PACRG: variants seen among roughly 807,000 people sequenced by gnomAD.
PACRG encodes parkin coregulated gene protein.
In PACRG, 29 loss-of-function variants were observed where a neutral mutation model predicts 29.7. The ratio of observed to expected loss-of-function variants is 0.98; its 90% CI spans 0.73 to 1.33. The LOEUF (loss-of-function observed/expected upper bound fraction) is 1.33, where lower values mean the gene tolerates loss of function less well. PACRG is among the 40% of genes most tolerant of loss of function. PACRG has a pLI of 0.00. For synonymous variants in PACRG, 116 were observed against 118.7 expected (o/e 0.98, Z 0.15); for missense variants, 279 against 316.2 (o/e 0.88, Z 0.89).
intron 2 of PACRG, among the ~76,000 whole-genome samples, chr6:163,009,997 A>G (rs1350839144): frequency 2.0e-5 from 3 of 152,242 alleles, no homozygotes; most frequent in African/African-American, 7.2e-5. Flanking sequence ...AAAGGAAATG[A>G]GAATTGATGC....
intron 3 of PACRG, among the ~76,000 whole-genome samples, chr6:163,074,729 A>G (rs896731006): frequency 6.6e-6 from 1 of 152,234 alleles, no homozygotes; most frequent in African/African-American, 2.4e-5. Flanking sequence ...ATTAAAATAC[A>G]TACAGAAAAC....
In PACRG at chr6:162,794,217, T is replaced by C. The variant is rs114186340; in HGVS notation, c.157-19930T>C. Reference sequence around the variant, plus strand: ...TGCACCCCTGTGATTATTAATGAAATTGAGCATTTTTAATTTGTTTTATTG... The same window carrying C: ...TGCACCCCTGTGATTATTAATGAAACTGAGCATTTTTAATTTGTTTTATTG... On this transcript the variant is annotated intron_variant, in intron 1 of 4. Transcript: ENST00000366888. 2.9e-3 allele frequency among the ~76,000 whole-genome samples: 443 copies of C among 152,270 alleles called. 2 individuals carry two copies. The highest frequency in any genetic ancestry group is 0.01 in the African/African-American group (434 of 41,560).
chr6:162,941,614 C>G (rs768574828), intron 2 of PACRG, among the ~76,000 whole-genome samples: 5 of 152,168 alleles, frequency 3.3e-5, no homozygotes, highest in Non-Finnish European at 5.9e-5. Context: ...CCTGCTATGC[C>G]TCCTTTAAGC....
Position 163,315,082 on chromosome 6 carries a change from T to C in PACRG, c.*95T>C, listed in dbSNP as rs1785597699. 3 of 1,415,648 alleles carry C rather than the reference T, an allele frequency of 2.1e-6. No homozygotes were observed. Among genetic ancestry groups the C allele is most frequent in the Non-Finnish European group, 2.9e-6 (3 of 1,036,338 alleles). The allele number at this position is 1,415,648 out of a possible 1,614,324, so 87.7% of individuals were successfully genotyped here. ...TCTCATTCCTTGTGACTTCCACAGC[T>C]TTCTTTTCTACAGCTGCTAAAATAG... On this transcript the variant is annotated 3_prime_UTR_variant, in exon 5 of 5. Transcript: ENST00000366888.
At chr6:162,976,595 G>C (rs1171022182) in intron 2 of PACRG, among the ~76,000 whole-genome samples, 9 of 152,212 alleles carry the variant, frequency 5.9e-5, no homozygotes, top group Non-Finnish European at 1.3e-4. Context: ...TGGAACAGCA[G>C]TGTGGTATCC....
At chr6:162,807,462 G>A (rs1188562962) in intron 1 of PACRG, among the ~76,000 whole-genome samples, 1 of 152,150 alleles carries the variant, frequency 6.6e-6, no homozygotes, top group Non-Finnish European at 1.5e-5. Flanking sequence ...TAGGAGCCAT[G>A]TAGAGTTATT....
At chr6:162,732,418 A>C (rs1385604351) in intron 1 of PACRG, among the ~76,000 whole-genome samples, 1 of 152,178 alleles carries the variant, frequency 6.6e-6, no homozygotes, top group Non-Finnish European at 1.5e-5. Flanking sequence ...GCCAAAACCT[A>C]GTCTTATGGC....
chr6:162,849,113 C>T (rs1005266268), intron 2 of PACRG, among the ~76,000 whole-genome samples: 1 of 152,060 alleles, frequency 6.6e-6, no homozygotes, highest in Non-Finnish European at 1.5e-5. Flanking sequence ...TACCGTAACA[C>T]GAAAAGACCA....
At chr6:162,935,298 G>A (rs568624973) in intron 2 of PACRG, among the ~76,000 whole-genome samples, 1 of 151,154 alleles carries the variant, frequency 6.6e-6, no homozygotes, top group Non-Finnish European at 1.5e-5. Flanking sequence ...TCTATTTATT[G>A]TTCTTCTGGA....
chr6:163,032,313 A>T (rs1807743271), intron 2 of PACRG, among the ~76,000 whole-genome samples: 1 of 151,932 alleles, frequency 6.6e-6, no homozygotes, highest in Admixed American at 6.5e-5. Context: ...ATTCATGAAC[A>T]TTTCAGCTCT....
intron 4 of PACRG, among the ~76,000 whole-genome samples, chr6:163,293,956 G>T (rs1010508661): frequency 6.6e-6 from 1 of 152,032 alleles, no homozygotes; most frequent in South Asian, 2.1e-4. Flanking sequence ...AAGTTTTCTA[G>T]TTCCGACCTA....
At chr6:162,731,861 A>C (rs1023243476) in intron 1 of PACRG, among the ~76,000 whole-genome samples, 1 of 152,144 alleles carries the variant, frequency 6.6e-6, no homozygotes, top group Non-Finnish European at 1.5e-5. Context: ...ATTAAGATGG[A>C]AGTTGTTTCT....
chr6:162,902,201 T>C (rs7750587), intron 2 of PACRG, among the ~76,000 whole-genome samples: 14,827 of 152,300 alleles, frequency 0.097, 1,449 homozygotes, highest in East Asian at 0.35. Context: ...TAGAAATGTA[T>C]TATGTTTATT....
chr6:162,996,768 A>G (rs973554717), intron 2 of PACRG, among the ~76,000 whole-genome samples: 2 of 152,188 alleles, frequency 1.3e-5, no homozygotes, highest in Non-Finnish European at 2.9e-5. Flanking sequence ...TGTTAGTAAC[A>G]TTATGGGCAC....
intron 1 of PACRG, among the ~76,000 whole-genome samples, chr6:162,772,356 C>T (rs1326167985): frequency 1.3e-5 from 2 of 152,040 alleles, no homozygotes; most frequent in African/African-American, 2.4e-5. Context: ...ACCTGAAAAT[C>T]GATGTGCAAT....
Position 163,315,220 on chromosome 6 carries a change from A to T in PACRG, c.*233A>T. 1 of 413,686 alleles carries T rather than the reference A, an allele frequency of 2.4e-6. No homozygotes were observed. Among genetic ancestry groups the T allele is most frequent in the South Asian group, 6.3e-5 (1 of 15,782 alleles). 25.6% of individuals were successfully genotyped at this position (413,686 alleles called of 1,614,324 possible). A position where few individuals can be genotyped will look rare whatever the true frequency, so the allele number is the denominator to read the frequency against. ...GTACTGTGCTTATTTGTTCTAAGAG[A>T]AGAATTGCTTCTTTATACAGCTCCG... On this transcript the variant is annotated 3_prime_UTR_variant, in exon 5 of 5. Coordinates refer to ENST00000366888, the MANE Select transcript of PACRG (RefSeq NM_001080379.2).
intron 2 of PACRG, among the ~76,000 whole-genome samples, chr6:162,874,990 C>A (rs1363431837): frequency 1.3e-5 from 2 of 152,056 alleles, no homozygotes; most frequent in African/African-American, 4.8e-5. Flanking sequence ...CATTCATACG[C>A]CCACATACAT....
At chr6:163,011,722 CACAA>C (rs1805634477) in intron 2 of PACRG, among the ~76,000 whole-genome samples, 1 of 152,184 alleles carries the variant, frequency 6.6e-6, no homozygotes, top group Non-Finnish European at 1.5e-5. Context: ...CAGCTTAAAA[CACAA>C]ACACATTATA....
At chr6:162,820,104 C>G (rs1192543416) in intron 2 of PACRG, among the ~76,000 whole-genome samples, 1 of 152,180 alleles carries the variant, frequency 6.6e-6, no homozygotes, top group East Asian at 1.9e-4. Flanking sequence ...TTCAAAATGA[C>G]AAATTCGCTT....
Sources: gnomAD v4.1 joint callset for allele counts (sites outside exome capture counted in the v4.1 genomes callset) on GRCh38, gnomAD v4.1.1 for gene constraint, MANE v1.5 for transcripts, NCBI Gene and HGNC (gene_info 2026-07-23, HGNC 2026-07-21) for gene names.